The following ST3GAL1 variants were observed in gnomAD, a reference collection of about 807,000 sequenced individuals.
ST3GAL1 encodes ST3 beta-galactoside alpha-2,3-sialyltransferase 1, also known as CMP-N-acetylneuraminate-beta-galactosamide-alpha-2,3-sialyltransferase 1.
ST3GAL1 carries 16 observed loss-of-function variants against 34.1 expected under a neutral mutation model. The observed-to-expected ratio is 0.47, with a 90% CI of 0.32 to 0.71. The LOEUF is 0.71. Ranked by LOEUF, ST3GAL1 falls within the 30% of genes least tolerant of loss-of-function variation. The probability of loss-of-function intolerance (pLI) is 0.04; values close to 1 mark genes in which losing one functional copy is unlikely to be tolerated. For missense variants in ST3GAL1, 353 were observed against 447.4 expected (o/e 0.79, Z 1.90); for synonymous variants, 191 against 184.7 (o/e 1.03, Z -0.28).
intron 2 of ST3GAL1, among the ~76,000 whole-genome samples, chr8:133,503,695 G>A (rs542941340): frequency 6.6e-6 from 1 of 152,260 alleles, no homozygotes; most frequent in East Asian, 1.9e-4. Flanking sequence ...TCGTTAACAA[G>A]GACTTTCCTG....
At chr8:133,482,163 T>TG (rs1328010225) in intron 3 of ST3GAL1, among the ~76,000 whole-genome samples, 7 of 152,118 alleles carry the variant, frequency 4.6e-5, no homozygotes, top group East Asian at 1.9e-4. Context: ...TCCTTTCTCT[T>TG]GGGGGGTCTT....
At chr8:133,499,013 C>T (rs1233135762) in intron 3 of ST3GAL1, 122 bp downstream of exon 3, 1 of 152,240 alleles carries the variant, frequency 6.6e-6, no homozygotes, top group Non-Finnish European at 1.5e-5. Context: ...TGTGTGAGTA[C>T]CATCAAAACA....
chr8:133,483,110 G>A (rs996529558), intron 3 of ST3GAL1, among the ~76,000 whole-genome samples: 1 of 152,220 alleles, frequency 6.6e-6, no homozygotes, highest in Admixed American at 6.5e-5. Flanking sequence ...GGGAGGCTGG[G>A]GTGGGCGGAT....
intron 2 of ST3GAL1, among the ~76,000 whole-genome samples, chr8:133,528,397 G>T (rs115770485): frequency 0.014 from 2,116 of 152,276 alleles, 36 homozygotes; most frequent in African/African-American, 0.038. Context: ...CCTGTGTCAG[G>T]CACTGTGCTA....
intron 3 of ST3GAL1, among the ~76,000 whole-genome samples, chr8:133,495,183 G>A (rs1390598108): frequency 6.6e-6 from 1 of 152,112 alleles, no homozygotes; most frequent in Non-Finnish European, 1.5e-5. Flanking sequence ...CTCCCAAAGT[G>A]CTGGGATTAC....
intron 2 of ST3GAL1, among the ~76,000 whole-genome samples, chr8:133,518,978 G>A (rs931229160): frequency 1.3e-5 from 2 of 152,092 alleles, no homozygotes; most frequent in South Asian, 4.1e-4. Flanking sequence ...AGCCCGTGGA[G>A]GGAAGAGAGG....
At chr8:133,502,136 AAT>A (rs1817174003) in intron 2 of ST3GAL1, among the ~76,000 whole-genome samples, 1 of 152,168 alleles carries the variant, frequency 6.6e-6, no homozygotes, top group Admixed American at 6.6e-5. Context: ...GGGAATAGCC[AAT>A]ATGATAATGT....
intron 5 of ST3GAL1, among the ~76,000 whole-genome samples, chr8:133,474,385 G>A (rs1266584130): frequency 1.3e-5 from 2 of 152,120 alleles, no homozygotes; most frequent in Admixed American, 1.3e-4. Context: ...GTGATGCTTG[G>A]CATATAGTAG....
intron 1 of ST3GAL1, among the ~76,000 whole-genome samples, chr8:133,563,438 G>A (rs1417632976): frequency 6.6e-6 from 1 of 152,120 alleles, no homozygotes; most frequent in African/African-American, 2.4e-5. Flanking sequence ...CATTGTTTTG[G>A]ACTAAGTTTC....
chr8:133,541,120 T>TAGAGAGAGAGAGAGAGAGAGAG lies in ST3GAL1; in HGVS notation c.-429+4632_-429+4653dup, dbSNP rs1554618899. Among the ~76,000 whole-genome samples the TAGAGAGAGAGAGAGAGAGAGAG allele has an allele frequency of 9.3e-4, 45 of 48,626 alleles. 1 individual carries two copies. Among genetic ancestry groups the TAGAGAGAGAGAGAGAGAGAGAG allele is most frequent in the South Asian group, 1.6e-3 (2 of 1,214 alleles). The allele number at this position is 48,626 out of a possible 152,430, so 31.9% of individuals were successfully genotyped here. A position where few individuals can be genotyped will look rare whatever the true frequency, so the allele number is the denominator to read the frequency against. The stretch of plus-strand genomic sequence containing the variant: ...ACATATATATATATATATATATATA[T>TAGAGAGAGAGAGAGAGAGAGAG]AGAGAGAGAGAGAGAGAGAGAGAGA... On this transcript the variant is annotated intron_variant, in intron 2 of 9. Transcript: ENST00000522652.
rs180822161 is a variant in ST3GAL1, at chr8:133,467,973, C to T, written c.307-1883G>A. On this transcript the variant is annotated intron_variant, in intron 5 of 9. Transcript: ENST00000522652. This position sits in a 1 kb window ranked among gnomAD's most constrained non-coding sequence, Gnocchi z 4.2. Reference sequence around the variant, plus strand: ...TATCATAAGTAAAAGGGCAAAACAACAGGTATCGGTGAGGATGTGGAGAAA... The same window carrying T: ...TATCATAAGTAAAAGGGCAAAACAATAGGTATCGGTGAGGATGTGGAGAAA... 2.6e-5 allele frequency among the ~76,000 whole-genome samples: 4 copies of T among 152,278 alleles called. No individual in the cohort carries two copies. The highest frequency in any genetic ancestry group is 5.9e-5 in the Non-Finnish European group (4 of 68,028).
intron 2 of ST3GAL1, among the ~76,000 whole-genome samples, chr8:133,531,714 C>A (rs1450073411): frequency 6.7e-6 from 1 of 149,814 alleles, no homozygotes; most frequent in Non-Finnish European, 1.5e-5. Context: ...TGCTTAAAAC[C>A]TAGATGATGG....
At chr8:133,526,181 C>A (rs1269880131) in intron 2 of ST3GAL1, among the ~76,000 whole-genome samples, 1 of 152,192 alleles carries the variant, frequency 6.6e-6, no homozygotes, top group Non-Finnish European at 1.5e-5. Flanking sequence ...AGGCAGCCTG[C>A]GTTCAGGCAA....
intron 1 of ST3GAL1, among the ~76,000 whole-genome samples, chr8:133,560,635 C>T (rs886674492): frequency 1.3e-5 from 2 of 152,198 alleles, no homozygotes; most frequent in African/African-American, 2.4e-5. Context: ...GGGGGCCAGG[C>T]ACCTGGTGTG....
intron 2 of ST3GAL1, among the ~76,000 whole-genome samples, chr8:133,510,578 T>C (rs1817475117): frequency 6.6e-6 from 1 of 152,216 alleles, no homozygotes; most frequent in Non-Finnish European, 1.5e-5. Context: ...GATTGAAAAT[T>C]TCAGTTTAAA....
In ST3GAL1 at chr8:133,460,323, A is replaced by G. The variant is rs542476129; in HGVS notation, c.850-386T>C. Among the ~76,000 whole-genome samples the G allele has an allele frequency of 2.6e-5, 4 of 152,314 alleles. No individual in the cohort carries two copies. In the South Asian group the frequency reaches 8.3e-4, roughly 32 times the overall value. ...GAAGGAGAGCAGGGCTTTGGGGCCA[A>G]GCAAACTGCCCCAAATCCCAGCTCT... On this transcript the variant is annotated intron_variant, in intron 9 of 9. Transcript: ENST00000522652.
At chr8:133,567,916 C>T (rs28753911) in intron 1 of ST3GAL1, among the ~76,000 whole-genome samples, 79,821 of 145,730 alleles carry the variant, frequency 0.55, 21,529 homozygotes, top group Admixed American at 0.66. Flanking sequence ...ACTCTAAAGC[C>T]TTGCTCTCTT....
intron 1 of ST3GAL1, chr8:133,567,216 G>T (rs1287957557): frequency 1.3e-5 from 2 of 152,166 alleles, no homozygotes; most frequent in African/African-American, 4.8e-5. Context: ...GCCTGACAGG[G>T]TATGTCCTTG....
intron 4 of ST3GAL1, 58 bp from the exon 5 acceptor site, chr8:133,476,132 A>G (rs1816168408): frequency 1.6e-6 from 2 of 1,273,588 alleles, no homozygotes; most frequent in Non-Finnish European, 2.1e-6. Context: ...ATCAAAAGGG[A>G]TGGCAGGAAT....
Sources: gnomAD v4.1 joint callset for allele counts (sites outside exome capture counted in the v4.1 genomes callset) on GRCh38, gnomAD v4.1.1 for gene constraint, Gnocchi (gnomAD v3.1) non-coding constraint, MANE v1.5 for transcripts, NCBI Gene and HGNC (gene_info 2026-07-23, HGNC 2026-07-21) for gene names.